The following TET3 variants were observed in gnomAD, a reference collection of about 807,000 sequenced individuals.
TET3 encodes methylcytosine dioxygenase TET3.
In TET3, 19 loss-of-function variants were observed where a neutral mutation model predicts 141.4. The ratio of observed to expected loss-of-function variants is 0.13; its 90% CI spans 0.09 to 0.20. The LOEUF is 0.20. Among genes scored for constraint, TET3 ranks in the 10% least tolerant of loss-of-function variants. The probability of loss-of-function intolerance (pLI) is 1.00; values close to 1 mark genes in which losing one functional copy is unlikely to be tolerated. For synonymous variants in TET3, 1,043 were observed against 980.9 expected, an observed-to-expected ratio of 1.06 and a Z score of -1.18; for missense variants, 1,874 against 2,356.9, an observed-to-expected ratio of 0.80 and a Z score of 4.24.
chr2:74,089,757 G>A (rs1052808020), intron 7 of TET3, 140 bp from the exon 8 acceptor site: 7 of 1,133,380 alleles, frequency 6.2e-6, no homozygotes, highest in Non-Finnish European at 8.8e-6. Flanking sequence ...AAAGGGGTTG[G>A]GGGTGGGGAA....
In TET3 at chr2:74,101,483, C is replaced by T. The variant is rs1457941670; in HGVS notation, c.4695C>T (p.Gly1565=). Residue 1565 remains glycine (G), a synonymous_variant, in exon 12 of 12, where the codon GGC becomes GGT. Coordinates refer to ENST00000409262, the MANE Select transcript of TET3 (RefSeq NM_001287491.2). This position sits in a 1 kb window ranked among gnomAD's most constrained non-coding sequence, Gnocchi z 8.5. The part of the protein sequence containing the change: ...KLWNPMKGEE[G]RIPAAGASQL... ...GGAACCCCATGAAAGGAGAGGAGGG[C>T]AGGATTCCAGCCGCAGGGGCCAGCC... is the stretch of plus-strand genomic sequence containing the variant. The T allele has an allele frequency of 6.2e-7, 1 of 1,613,166 alleles. No homozygotes were observed. Among genetic ancestry groups the T allele is most frequent in the Non-Finnish European group, 8.5e-7 (1 of 1,179,740 alleles).
At chr2:74,063,606 A>G (rs13005103) in intron 4 of TET3, among the ~76,000 whole-genome samples, 34,311 of 152,112 alleles carry the variant, frequency 0.23, 4,218 homozygotes, top group Non-Finnish European at 0.28. Flanking sequence ...TGTAAAATAG[A>G]CTTATAGAAG....
At chr2:74,004,525 A>G (rs1685051582) in intron 3 of TET3, among the ~76,000 whole-genome samples, 1 of 152,162 alleles carries the variant, frequency 6.6e-6, no homozygotes, top group African/African-American at 2.4e-5. Flanking sequence ...TGAGGCAAGT[A>G]AGTGCTTGGG....
chr2:74,075,244 A>G (rs369852933), intron 5 of TET3, among the ~76,000 whole-genome samples: 1 of 151,688 alleles, frequency 6.6e-6, no homozygotes, highest in Non-Finnish European at 1.5e-5. Context: ...ATACATACAG[A>G]TAAGTGGAAA....
In TET3 at chr2:74,093,525, A is replaced by T; in HGVS notation, c.3130-4A>T. ...TGAGCACCTCTCCTTGGCTGTCTAC[A>T]CAGGTGACCAACGAGGAAATAGCGA... On this transcript the variant is annotated splice_polypyrimidine_tract_variant and splice_region_variant and intron_variant, in intron 9 of 11. Coordinates refer to ENST00000409262, the MANE Select transcript of TET3 (RefSeq NM_001287491.2). The surrounding 1 kb of genome is among the most constrained non-coding windows in gnomAD (Gnocchi z 4.2). The T allele has an allele frequency of 6.2e-7, 1 of 1,604,962 alleles. No individual in the cohort carries two copies. Among genetic ancestry groups the T allele is most frequent in the Non-Finnish European group, 8.5e-7 (1 of 1,174,770 alleles).
chr2:74,038,658 G>A (rs900250970), intron 3 of TET3, among the ~76,000 whole-genome samples: 25 of 152,166 alleles, frequency 1.6e-4, no homozygotes, highest in Non-Finnish European at 4.4e-5. Context: ...AAAGTATAGG[G>A]GTGATGAGGC....
intron 4 of TET3, among the ~76,000 whole-genome samples, chr2:74,055,909 A>G (rs1331088448): frequency 6.6e-6 from 1 of 152,056 alleles, no homozygotes; most frequent in Non-Finnish European, 1.5e-5. Context: ...AGTCCCGATC[A>G]ACACGAAGGG....
intron 2 of TET3, among the ~76,000 whole-genome samples, chr2:73,987,921 G>A (rs1684127806): frequency 1.3e-5 from 2 of 152,214 alleles, no homozygotes; most frequent in Non-Finnish European, 2.9e-5. Context: ...GGCTGGTCCC[G>A]TGGCTAGGAA....
intron 3 of TET3, among the ~76,000 whole-genome samples, chr2:74,041,732 G>T (rs1263396340): frequency 6.6e-6 from 1 of 152,160 alleles, no homozygotes; most frequent in Non-Finnish European, 1.5e-5. Context: ...ACCCTTTGAA[G>T]CTGCCACATC....
At chr2:74,096,320 G>A (rs529952621) in intron 10 of TET3, among the ~76,000 whole-genome samples, 11 of 152,248 alleles carry the variant, frequency 7.2e-5, no homozygotes, top group African/African-American at 2.6e-4. Context: ...AGCTGGGTAG[G>A]GCATGACACC....
the TET3 span, chr2:74,121,521 G>C: frequency 6.6e-6 from 1 of 152,220 alleles, no homozygotes; most frequent in South Asian, 2.1e-4. Flanking sequence ...TGCCAATAAG[G>C]TGCTTGATAA....
chr2:74,072,296 T>G (rs2103928833), intron 4 of TET3, among the ~76,000 whole-genome samples: 1 of 152,312 alleles, frequency 6.6e-6, no homozygotes, highest in Admixed American at 6.5e-5. Flanking sequence ...GTGGATCACC[T>G]GAGGTCAGGA....
At chr2:74,099,954 G>A (rs1691082437) in intron 11 of TET3, among the ~76,000 whole-genome samples, 2 of 152,202 alleles carry the variant, frequency 1.3e-5, no homozygotes, top group African/African-American at 4.8e-5. Context: ...ACATGTGGGT[G>A]TGTGCCAGGG....
At chr2:74,118,561 T>C in the TET3 span, among the ~76,000 whole-genome samples, 47 of 152,308 alleles carry the variant, frequency 3.1e-4, no homozygotes, top group Non-Finnish European at 5.7e-4. Context: ...GTAAGGCTTC[T>C]GGTCAACAGT....
rs1374133755 is a variant in TET3, at chr2:74,101,455, T to C, written c.4667T>C (p.Leu1556Pro). 1.2e-6 allele frequency: 2 copies of C among 1,613,710 alleles called. No homozygotes were observed. Among genetic ancestry groups the C allele is most frequent in the Non-Finnish European group, 1.7e-6 (2 of 1,179,824 alleles). ...LKGSPGFQDK[L>P]WNPMKGEEGR... ...GGTAGTCCTGGGTTCCAAGACAAGC[T>C]GTGGAACCCCATGAAAGGAGAGGAG... Residue 1556 changes from leucine (L) to proline (P), a missense_variant, in exon 12 of 12, where the codon CTG becomes CCG. Leu to Pro is a moderately conservative substitution (Grantham distance 98, BLOSUM62 -3). Coordinates refer to ENST00000409262, the MANE Select transcript of TET3 (RefSeq NM_001287491.2). The surrounding 1 kb of genome is among the most constrained non-coding windows in gnomAD (Gnocchi z 8.5).
intron 2 of TET3, among the ~76,000 whole-genome samples, chr2:73,996,951 G>C (rs1194071870): frequency 6.6e-6 from 1 of 152,256 alleles, no homozygotes; most frequent in Non-Finnish European, 1.5e-5. Flanking sequence ...CCAGCATGCA[G>C]CTGGGGCACT....
Position 74,047,050 on chromosome 2 carries a change from C to G in TET3, c.1133C>G (p.Pro378Arg), listed in dbSNP as rs746840184. ...SALPQPSHST[P>R]QASCPLPEAL... ...CTCCCGCAGCCTTCTCATTCCACCC[C>G]CCAGGCTTCTTGCCCCCTTCCTGAG... The change falls in exon 4 of 12, where the codon CCC becomes CGC. Residue 378 changes from proline to arginine, a missense_variant. Physicochemically the swap from Pro to Arg is moderately radical, Grantham distance 103. Around this residue, in one of 10 missense-constraint regions of TET3, gnomAD observed 484 missense variants for 462.2 expected, o/e 1.05. Coordinates refer to ENST00000409262, the MANE Select transcript of TET3 (RefSeq NM_001287491.2). 1.5e-5 allele frequency: 25 copies of G among 1,613,884 alleles called. No homozygotes were observed. The highest frequency in any genetic ancestry group is 2.2e-5 in the East Asian group (1 of 44,884).
In TET3 at chr2:74,037,973, T is replaced by C. The variant is rs568239934; in HGVS notation, c.361-8305T>C. ...TTTGGGGAGTGGCGTTCCACACTTT[T>C]CCAGCCTTGCCTGGCATCTGGGGGG... On this transcript the variant is annotated intron_variant, in intron 3 of 11. Transcript: ENST00000409262. Among the ~76,000 whole-genome samples the C allele has an allele frequency of 1.9e-4, 29 of 152,296 alleles. 1 individual carries two copies. The South Asian group carries it at 5.8e-3, about 30-fold the overall frequency.
At chr2:74,000,972 G>T (rs937918650) in intron 2 of TET3, among the ~76,000 whole-genome samples, 2 of 152,128 alleles carry the variant, frequency 1.3e-5, no homozygotes, top group African/African-American at 4.8e-5. Context: ...CAGACTGTAT[G>T]GGGGGTAGGT....
Sources: gnomAD v4.1 joint callset for allele counts (sites outside exome capture counted in the v4.1 genomes callset) on GRCh38, gnomAD v4.1.1 for gene constraint, gnomAD v4.1.1 regional missense constraint, Gnocchi (gnomAD v3.1) non-coding constraint, MANE v1.5 for transcripts, NCBI Gene and HGNC (gene_info 2026-07-23, HGNC 2026-07-21) for gene names.